CREB5: variants seen among roughly 807,000 people sequenced by gnomAD.
CREB5 encodes the protein cAMP responsive element binding protein 5, also known as cyclic AMP-responsive element-binding protein 5.
A neutral mutation model predicts 57.1 loss-of-function variants in CREB5; 19 were observed. The observed-to-expected ratio is 0.33, with a 90% confidence interval of 0.23 to 0.49. CREB5 has a LOEUF of 0.49. Ranked by LOEUF, CREB5 falls within the 20% of genes least tolerant of loss-of-function variation. The probability of loss-of-function intolerance (pLI) is 0.99; values close to 1 mark genes in which losing one functional copy is unlikely to be tolerated. For synonymous variants in CREB5, 238 were observed against 238.3 expected, an observed-to-expected ratio of 1.00 and a Z score of 0.01; for missense variants, 579 against 671.6, an observed-to-expected ratio of 0.86 and a Z score of 1.52.
At chr7:28,713,198 G>A (rs995044120) in intron 5 of CREB5, among the ~76,000 whole-genome samples, 9 of 152,044 alleles carry the variant, frequency 5.9e-5, no homozygotes, top group Non-Finnish European at 1.0e-4. Flanking sequence ...GACTATGCCT[G>A]GCTACTTTTT....
intron 7 of CREB5, among the ~76,000 whole-genome samples, chr7:28,736,295 G>A (rs145565002): frequency 3.1e-3 from 473 of 151,504 alleles, no homozygotes; most frequent in African/African-American, 0.011. Context: ...TCAGCCTCCC[G>A]AGTAGCTGGG....
chr7:28,672,473 G>A (rs990569304), intron 5 of CREB5, among the ~76,000 whole-genome samples: 38 of 151,972 alleles, frequency 2.5e-4, no homozygotes, highest in African/African-American at 8.9e-4. Flanking sequence ...TTTTCATAAT[G>A]CATTTATTTG....
chr7:28,814,185 C>G (rs185316427), intron 9 of CREB5, among the ~76,000 whole-genome samples: 1 of 152,214 alleles, frequency 6.6e-6, no homozygotes, highest in Non-Finnish European at 1.5e-5. Flanking sequence ...ATTCCACTTA[C>G]GTTCCCTTGA....
chr7:28,593,318 G>A (rs1490740613), intron 5 of CREB5, among the ~76,000 whole-genome samples: 1 of 151,828 alleles, frequency 6.6e-6, no homozygotes, highest in African/African-American at 2.4e-5. Flanking sequence ...GCATGATCTC[G>A]GCTCACTATA....
rs141677825 is a variant in CREB5, at chr7:28,539,919, G to A, written c.292-30446G>A. Among the ~76,000 whole-genome samples the A allele has an allele frequency of 4.3e-3, 655 of 152,332 alleles. 7 individuals carry two copies. Among genetic ancestry groups the A allele is most frequent in the African/African-American group, 0.015 (641 of 41,572 alleles). On this transcript the variant is annotated intron_variant, in intron 4 of 10. Transcript: ENST00000357727. ...CACCATCGCCTAAGTTGTAAAGCAA[G>A]TGAAATCAACATTCTTTCTCATTCA... is the stretch of plus-strand genomic sequence containing the variant.
At chr7:28,580,429 C>CCACACA (rs70977058) in intron 5 of CREB5, among the ~76,000 whole-genome samples, 25,127 of 130,638 alleles carry the variant, frequency 0.19, 2,547 homozygotes, top group East Asian at 0.23. Context: ...TCCCCCCCCA[C>CCACACA]CACACACACA....
intron 7 of CREB5, among the ~76,000 whole-genome samples, chr7:28,782,490 AAAG>A (rs1191826003): frequency 6.6e-6 from 1 of 152,366 alleles, no homozygotes; most frequent in Non-Finnish European, 1.5e-5. Context: ...CTGAAAATAA[AAAG>A]AAGAAATGAA....
chr7:28,400,617 A>T lies in CREB5; in HGVS notation c.-24-94289A>T, dbSNP rs370845709. ...AGGTAGGGAAGCTTTATATTTTCTG[A>T]TATCCACAGTGGGTAATATTCAAGA... On this transcript the variant is annotated intron_variant, in intron 1 of 9. Transcript: ENST00000396299. 3.2e-4 allele frequency among the ~76,000 whole-genome samples: 48 copies of T among 152,302 alleles called. 1 individual carries two copies. The South Asian group carries it at 9.7e-3, about 31-fold the overall frequency.
rs146819113 is a variant in CREB5 at position 28,479,793 on chromosome 7, T to C, written c.4-8382T>C. Among the ~76,000 whole-genome samples the C allele has an allele frequency of 2.0e-3, 305 of 152,266 alleles. 1 individual carries two copies. Among genetic ancestry groups the C allele is most frequent in the Admixed American group, 3.3e-3 (51 of 15,302 alleles). ...AAGAGGAAGTCAGTAGTGGTAATCATAGGAGTTAATAGTAAGATGAAATAG... is the reference window on the plus strand; with the variant it reads ...AAGAGGAAGTCAGTAGTGGTAATCACAGGAGTTAATAGTAAGATGAAATAG... On this transcript the variant is annotated intron_variant, in intron 1 of 10. Transcript: ENST00000357727.
At chr7:28,440,010 A>C (rs1413791901) in intron 1 of CREB5, among the ~76,000 whole-genome samples, 1 of 152,220 alleles carries the variant, frequency 6.6e-6, no homozygotes, top group Non-Finnish European at 1.5e-5. Context: ...GAACAGGCTC[A>C]TCTTTCCTTC....
At chr7:28,652,711 A>G (rs1418883897) in intron 5 of CREB5, among the ~76,000 whole-genome samples, 3 of 152,234 alleles carry the variant, frequency 2.0e-5, no homozygotes, top group African/African-American at 4.8e-5. Context: ...CTGTTATTAC[A>G]TAACTATCCT....
chr7:28,772,831 ATT>A (rs1046211422), intron 7 of CREB5, among the ~76,000 whole-genome samples: 7 of 152,080 alleles, frequency 4.6e-5, no homozygotes, highest in Admixed American at 2.0e-4. Context: ...CATCTACTGC[ATT>A]TTGGGGCGGG....
At chr7:28,431,975 G>A (rs1788730952) in intron 1 of CREB5, among the ~76,000 whole-genome samples, 1 of 144,138 alleles carries the variant, frequency 6.9e-6, no homozygotes, top group African/African-American at 2.5e-5. Flanking sequence ...ACTGCAAACA[G>A]CTATGCCTTT....
intron 1 of CREB5, among the ~76,000 whole-genome samples, chr7:28,358,817 T>A (rs1024622661): frequency 2.6e-5 from 4 of 152,206 alleles, no homozygotes; most frequent in African/African-American, 9.6e-5. Context: ...AGAGGGAATA[T>A]AGAGCCATCC....
intron 9 of CREB5, among the ~76,000 whole-genome samples, chr7:28,812,918 G>A (rs969678270): frequency 2.0e-5 from 3 of 152,206 alleles, no homozygotes; most frequent in African/African-American, 7.2e-5. Context: ...CCACTTTTGA[G>A]TTGTTTTCCA....
chr7:28,393,927 T>A (rs1787280766), intron 1 of CREB5, among the ~76,000 whole-genome samples: 1 of 151,780 alleles, frequency 6.6e-6, no homozygotes, highest in African/African-American at 2.4e-5. Flanking sequence ...ATACTAAAAT[T>A]AGCCAGGTGC....
At chr7:28,335,592 T>C (rs1396305907) in intron 1 of CREB5, among the ~76,000 whole-genome samples, 2 of 151,648 alleles carry the variant, frequency 1.3e-5, no homozygotes, top group Non-Finnish European at 2.9e-5. Flanking sequence ...GTAGTTTTCT[T>C]TTTTTTTGGT....
intron 5 of CREB5, among the ~76,000 whole-genome samples, chr7:28,685,438 G>A (rs373937197): frequency 1.2e-4 from 19 of 152,120 alleles, no homozygotes; most frequent in African/African-American, 4.3e-4. Flanking sequence ...AGAAGTCTCC[G>A]GAGGGCTGGT....
intron 7 of CREB5, among the ~76,000 whole-genome samples, chr7:28,803,061 G>A (rs113050598): frequency 0.016 from 2,500 of 152,298 alleles, 48 homozygotes; most frequent in South Asian, 0.072. Flanking sequence ...ACTCTTTATA[G>A]AAAAAGTTTG....
Sources: allele counts gnomAD v4.1 joint callset (sites outside exome capture counted in the v4.1 genomes callset), GRCh38; gene constraint gnomAD v4.1.1; transcripts MANE v1.5; gene names NCBI Gene and HGNC (gene_info 2026-07-23, HGNC 2026-07-21).